Variants in GPHN observed in about 807,000 individuals in gnomAD.
GPHN encodes gephyrin.
A neutral mutation model predicts 95.5 loss-of-function variants in GPHN; 17 were observed. The ratio of observed to expected loss-of-function variants is 0.18; its 90% CI spans 0.12 to 0.27. GPHN has a LOEUF of 0.27. Ranked by LOEUF, GPHN falls within the 10% of genes least tolerant of loss-of-function variation. The probability of loss-of-function intolerance (pLI) is 1.00; values close to 1 mark genes in which losing one functional copy is unlikely to be tolerated. For synonymous variants in GPHN, 320 were observed against 322.5 expected, an observed-to-expected ratio of 0.99 and a Z score of 0.08; for missense variants, 660 against 978.1, an observed-to-expected ratio of 0.67 and a Z score of 4.34.
chr14:67,144,242 A>ATATATAT (rs1567399860), intron 18 of GPHN, among the ~76,000 whole-genome samples: 53 of 68,038 alleles, frequency 7.8e-4, no homozygotes, highest in African/African-American at 2.6e-3. Context: ...GTCTTAAAAA[A>ATATATAT]AAAAAAAAAT....
the GPHN span, among the ~76,000 whole-genome samples, chr14:67,514,024 TCAATTACC>T: frequency 6.6e-6 from 1 of 152,152 alleles, no homozygotes; most frequent in Non-Finnish European, 1.5e-5. Context: ...CCCAGGCCTC[TCAATTACC>T]CAAGGCTGAT....
intron 2 of GPHN, among the ~76,000 whole-genome samples, chr14:66,757,023 A>G (rs1051990805): frequency 3.9e-5 from 6 of 152,184 alleles, no homozygotes; most frequent in Admixed American, 2.0e-4. Flanking sequence ...TAAATTTTCT[A>G]TTATTTCATT....
At chr14:67,509,827 C>T in the GPHN span, among the ~76,000 whole-genome samples, 11 of 151,994 alleles carry the variant, frequency 7.2e-5, no homozygotes, top group Admixed American at 1.3e-4. Context: ...TGCAACATAG[C>T]GAGTTATAAA....
chr14:67,581,760 T>C, the GPHN span: 3 of 309,396 alleles, frequency 9.7e-6, no homozygotes, highest in Non-Finnish European at 6.1e-6. Context: ...AGTAGTCTCT[T>C]GGACTCTTAC....
chr14:67,001,811 G>A (rs1292687429), intron 9 of GPHN, among the ~76,000 whole-genome samples: 1 of 151,666 alleles, frequency 6.6e-6, no homozygotes, highest in Non-Finnish European at 1.5e-5. Flanking sequence ...TATTGCTATG[G>A]TTCATCTCCA....
the GPHN span, among the ~76,000 whole-genome samples, chr14:67,558,336 A>G: frequency 2.6e-5 from 4 of 152,158 alleles, no homozygotes; most frequent in African/African-American, 9.7e-5. Flanking sequence ...GTGCCTTCCA[A>G]CCATAATGGG....
At chr14:67,473,713 A>G in the GPHN span, 1 of 1,602,322 alleles carries the variant, frequency 6.2e-7, no homozygotes. The surrounding 1 kb of genome is among the most constrained non-coding windows in gnomAD (Gnocchi z 6.5). Flanking sequence ...AGCAGCGGGC[A>G]GCGGCCGCGC....
the GPHN span, among the ~76,000 whole-genome samples, chr14:67,549,210 C>T: frequency 6.6e-6 from 1 of 151,788 alleles, no homozygotes; most frequent in East Asian, 1.9e-4. Flanking sequence ...GGAGAAGATG[C>T]CTTCTAGGGC....
At chr14:66,664,644 G>A (rs2065845125) in intron 1 of GPHN, among the ~76,000 whole-genome samples, 1 of 152,156 alleles carries the variant, frequency 6.6e-6, no homozygotes, top group South Asian at 2.1e-4. Context: ...GAGCTGAACT[G>A]AAGGAGGTAG....
intron 1 of GPHN, among the ~76,000 whole-genome samples, chr14:66,528,358 T>A (rs1210536966): frequency 6.6e-6 from 1 of 152,208 alleles, no homozygotes; most frequent in Non-Finnish European, 1.5e-5. Context: ...ATGTGTGTCT[T>A]TGCATGTGAG....
At chr14:66,601,105 G>T (rs1391502076) in intron 1 of GPHN, among the ~76,000 whole-genome samples, 3 of 151,952 alleles carry the variant, frequency 2.0e-5, no homozygotes, top group Non-Finnish European at 4.4e-5. Flanking sequence ...GTACAGTGTT[G>T]AACAATCAAT....
In GPHN at chr14:66,560,456, G is replaced by A. The variant is rs570681226; in HGVS notation, c.64+51865G>A. Among the ~76,000 whole-genome samples the A allele has an allele frequency of 7.9e-3, 1,198 of 152,012 alleles. 5 individuals are homozygous for A. Among genetic ancestry groups the A allele is most frequent in the Middle Eastern group, 0.017 (5 of 294 alleles). On this transcript the variant is annotated intron_variant, in intron 1 of 22. Transcript: ENST00000478722. ...AGTTCTCCTTGAAGAGGTCCTTCAC[G>A]TCCCTTGTAAGTTGGATTCCTAGGT...
the GPHN span, among the ~76,000 whole-genome samples, chr14:67,608,343 T>A: frequency 6.6e-6 from 1 of 152,212 alleles, no homozygotes; most frequent in Non-Finnish European, 1.5e-5. Context: ...TTACATATAA[T>A]TTACATTGTA....
At chr14:66,996,109 C>T in intron 9 of GPHN, 2 of 1,083,950 alleles carry the variant, frequency 1.8e-6, no homozygotes, top group Non-Finnish European at 2.7e-6. Flanking sequence ...CATCTAAACC[C>T]TCTGTGACCC....
intron 1 of GPHN, among the ~76,000 whole-genome samples, chr14:66,572,665 G>A (rs1261707088): frequency 2.0e-5 from 3 of 151,220 alleles, no homozygotes; most frequent in Non-Finnish European, 4.4e-5. Context: ...TTTTTTTGTA[G>A]AGTTTAGGGT....
chr14:67,013,503 C>T (rs1235001143), intron 9 of GPHN, among the ~76,000 whole-genome samples: 7 of 152,100 alleles, frequency 4.6e-5, no homozygotes, highest in Admixed American at 3.3e-4. Flanking sequence ...TCATGAGAGG[C>T]TTGATTAACA....
intron 2 of GPHN, among the ~76,000 whole-genome samples, chr14:66,688,143 T>G (rs989633444): frequency 6.6e-6 from 1 of 152,146 alleles, no homozygotes; most frequent in Non-Finnish European, 1.5e-5. Flanking sequence ...AAGAAAGTAT[T>G]ATTAAGAATA....
At chr14:67,496,570 G>A in the GPHN span, among the ~76,000 whole-genome samples, 25 of 152,026 alleles carry the variant, frequency 1.6e-4, no homozygotes, top group African/African-American at 3.6e-4. Flanking sequence ...GCTGCTGGAA[G>A]AGAAGTAGAC....
chr14:67,022,097 GTTTCT>G (rs764011172), intron 9 of GPHN, among the ~76,000 whole-genome samples: 21 of 152,010 alleles, frequency 1.4e-4, no homozygotes, highest in Admixed American at 8.5e-4. Context: ...GTTAGTGTGT[GTTTCT>G]TTTCTTTAAG....
Sources: allele counts gnomAD v4.1 joint callset (sites outside exome capture counted in the v4.1 genomes callset), GRCh38; gene constraint gnomAD v4.1.1; non-coding constraint Gnocchi (gnomAD v3.1); transcripts MANE v1.5; gene names NCBI Gene and HGNC (gene_info 2026-07-23, HGNC 2026-07-21).